NLGN1: variants seen among roughly 807,000 people sequenced by gnomAD.
NLGN1 encodes the protein neuroligin-1.
A neutral mutation model predicts 65.5 loss-of-function variants in NLGN1; 12 were observed. The observed-to-expected ratio is 0.18, with a 90% CI of 0.12 to 0.30. The LOEUF is 0.30. NLGN1 is among the 10% of genes least tolerant of loss of function. The pLI, the probability that NLGN1 is intolerant of heterozygous loss-of-function variation, is 1.00. For synonymous variants in NLGN1, 350 were observed against 359.5 expected (o/e 0.97, Z 0.30); for missense variants, 750 against 1,007.1 (o/e 0.74, Z 3.46).
At chr3:174,167,390 G>T (rs1202105620) in intron 4 of NLGN1, among the ~76,000 whole-genome samples, 1 of 151,922 alleles carries the variant, frequency 6.6e-6, no homozygotes, top group Non-Finnish European at 1.5e-5. Flanking sequence ...TGTTCTAGTG[G>T]CAACAAATTC....
At chr3:173,695,722 CCTTA>C (rs1766115726) in intron 3 of NLGN1, among the ~76,000 whole-genome samples, 1 of 152,130 alleles carries the variant, frequency 6.6e-6, no homozygotes, top group South Asian at 2.1e-4. Flanking sequence ...CATAACTCAA[CCTTA>C]TTACGATCAC....
At chr3:173,965,283 T>G (rs1160868989) in intron 4 of NLGN1, among the ~76,000 whole-genome samples, 1 of 152,014 alleles carries the variant, frequency 6.6e-6, no homozygotes, top group Non-Finnish European at 1.5e-5. Flanking sequence ...TTGTTTTGTT[T>G]TCCTTTTTTT....
chr3:173,538,024 A>G (rs1325739541), intron 2 of NLGN1, among the ~76,000 whole-genome samples: 1 of 152,194 alleles, frequency 6.6e-6, no homozygotes, highest in African/African-American at 2.4e-5. Context: ...TAGGGGAAGC[A>G]TTTCTTTCCC....
At chr3:173,448,265 G>C (rs1317467166) in intron 2 of NLGN1, among the ~76,000 whole-genome samples, 1 of 152,110 alleles carries the variant, frequency 6.6e-6, no homozygotes, top group Non-Finnish European at 1.5e-5. Flanking sequence ...AGAATTTTTA[G>C]CTTGAAGAGT....
At chr3:174,272,458 GTTGT>G (rs1308000423) in intron 4 of NLGN1, among the ~76,000 whole-genome samples, 3 of 151,720 alleles carry the variant, frequency 2.0e-5, no homozygotes, top group African/African-American at 7.2e-5. Flanking sequence ...CCCACAGGAT[GTTGT>G]TTGAATATAC....
At chr3:174,122,172 C>T (rs1717912410) in intron 4 of NLGN1, among the ~76,000 whole-genome samples, 1 of 152,116 alleles carries the variant, frequency 6.6e-6, no homozygotes, top group Non-Finnish European at 1.5e-5. Flanking sequence ...ATTTCCCAAG[C>T]CCAATCATAT....
chr3:174,260,760 A>G (rs1219277152), intron 4 of NLGN1, among the ~76,000 whole-genome samples: 8 of 150,750 alleles, frequency 5.3e-5, no homozygotes, highest in Non-Finnish European at 1.0e-4. Flanking sequence ...GTCCTTGCCC[A>G]TGCTTATGTC....
chr3:173,484,990 C>G (rs1727926628), intron 2 of NLGN1, among the ~76,000 whole-genome samples: 2 of 151,750 alleles, frequency 1.3e-5, no homozygotes, highest in Admixed American at 6.6e-5. Context: ...AAGACTTACT[C>G]AAGACTGAGC....
rs746099338 is a variant in NLGN1 at position 174,279,089 on chromosome 3, A to C, written c.1088A>C (p.Asp363Ala). The change falls in exon 6 of 7, where the codon GAT becomes GCT. Residue 363 changes from aspartate to alanine, a missense_variant. Transcript: ENST00000457714. This position sits in a 1 kb window ranked among gnomAD's most constrained non-coding sequence, Gnocchi z 4.7. The stretch of plus-strand genomic sequence containing the variant: ...GCCTTTGGACCTGTGATTGATGGTG[A>C]TGTAATACCAGACGACCCCCAGATA... 3.7e-5 allele frequency: 59 copies of C among 1,613,222 alleles called. No homozygotes were observed. The highest frequency in any genetic ancestry group is 5.0e-5 in the Non-Finnish European group (59 of 1,179,502).
At chr3:174,219,271 C>A (rs892877420) in intron 4 of NLGN1, among the ~76,000 whole-genome samples, 1 of 152,066 alleles carries the variant, frequency 6.6e-6, no homozygotes, top group Non-Finnish European at 1.5e-5. Flanking sequence ...GATTTTCAAG[C>A]CACATAAACT....
intron 4 of NLGN1, among the ~76,000 whole-genome samples, chr3:174,162,891 G>A (rs9883269): frequency 0.17 from 26,200 of 151,306 alleles, 4,791 homozygotes; most frequent in African/African-American, 0.46. Flanking sequence ...ACAGGATTAG[G>A]TAAATGAAAT....
intron 3 of NLGN1, among the ~76,000 whole-genome samples, chr3:173,670,216 T>G (rs1244144905): frequency 6.6e-6 from 1 of 152,182 alleles, no homozygotes; most frequent in Admixed American, 6.5e-5. Context: ...ATATCACATC[T>G]CAAATGTGGC....
At chr3:174,074,471 C>G (rs1740505816) in intron 4 of NLGN1, among the ~76,000 whole-genome samples, 1 of 152,032 alleles carries the variant, frequency 6.6e-6, no homozygotes, top group South Asian at 2.1e-4. Context: ...TACATGATGA[C>G]AAGGGTGAGT....
At chr3:173,780,913 G>A (rs1052324827) in intron 3 of NLGN1, among the ~76,000 whole-genome samples, 13 of 151,960 alleles carry the variant, frequency 8.6e-5, no homozygotes, top group African/African-American at 2.9e-4. Context: ...AGGCCGAGGC[G>A]GGCGGATCAC....
intron 3 of NLGN1, among the ~76,000 whole-genome samples, chr3:173,677,517 T>G (rs1333536873): frequency 6.6e-6 from 1 of 152,058 alleles, no homozygotes; most frequent in African/African-American, 2.4e-5. Context: ...TTTTAATTCC[T>G]TAATAATAAT....
intron 4 of NLGN1, among the ~76,000 whole-genome samples, chr3:174,068,340 A>G (rs908102496): frequency 4.6e-5 from 7 of 152,130 alleles, no homozygotes; most frequent in Admixed American, 1.3e-4. Context: ...CCAGTATGCT[A>G]GATATTCTGA....
intron 2 of NLGN1, among the ~76,000 whole-genome samples, chr3:173,472,702 G>A (rs528611480): frequency 6.6e-6 from 1 of 152,012 alleles, no homozygotes; most frequent in South Asian, 2.1e-4. Context: ...TATTAACCTG[G>A]GGTGGGAATA....
chr3:173,619,754 A>C (rs1226250715), intron 3 of NLGN1, among the ~76,000 whole-genome samples: 1 of 152,200 alleles, frequency 6.6e-6, no homozygotes, highest in Non-Finnish European at 1.5e-5. Context: ...ACTCACTATA[A>C]CAAACATTAG....
At chr3:173,685,028 CCCGGTA>C (rs1425254822) in intron 3 of NLGN1, among the ~76,000 whole-genome samples, 1 of 152,060 alleles carries the variant, frequency 6.6e-6, no homozygotes, top group East Asian at 1.9e-4. Context: ...ATCCTCTATG[CCCGGTA>C]TGGCACCAGA....
Sources: gnomAD v4.1 joint callset for allele counts (sites outside exome capture counted in the v4.1 genomes callset) on GRCh38, gnomAD v4.1.1 for gene constraint, Gnocchi (gnomAD v3.1) non-coding constraint, MANE v1.5 for transcripts, NCBI Gene and HGNC (gene_info 2026-07-23, HGNC 2026-07-21) for gene names.